Variants in TNKS2 observed in about 807,000 individuals in gnomAD.
TNKS2 encodes the protein poly [ADP-ribose] polymerase tankyrase-2.
TNKS2 carries 72 observed loss-of-function variants against 137.6 expected under a neutral mutation model. The observed-to-expected ratio is 0.52, with a 90% CI of 0.43 to 0.64. The LOEUF is 0.64. Ranked by LOEUF, TNKS2 falls within the 30% of genes least tolerant of loss-of-function variation. TNKS2 has a pLI of 0.00. For missense variants in TNKS2, 1,049 were observed against 1,410.2 expected, an observed-to-expected ratio of 0.74 and a Z score of 4.10; for synonymous variants, 516 against 512.1, an observed-to-expected ratio of 1.01 and a Z score of -0.10.
intron 1 of TNKS2, among the ~76,000 whole-genome samples, chr10:91,801,076 A>C (rs924165549): frequency 6.6e-6 from 1 of 152,164 alleles, no homozygotes; most frequent in Admixed American, 6.5e-5. Flanking sequence ...AGCTGATTAA[A>C]GTTTGGAGAT....
chr10:91,812,902 C>T (rs750364220), intron 1 of TNKS2, 81 bp from the exon 2 acceptor site: 2 of 1,519,562 alleles, frequency 1.3e-6, no homozygotes, highest in Non-Finnish European at 1.8e-6. Flanking sequence ...CAACCTGAAA[C>T]ATTTTAGTAT....
intron 20 of TNKS2, among the ~76,000 whole-genome samples, 174 bp downstream of exon 20, chr10:91,849,768 TTCGCACACAGTTGAC>T (rs1437566472): frequency 4.6e-5 from 7 of 152,232 alleles, no homozygotes; most frequent in Non-Finnish European, 1.0e-4. Flanking sequence ...ATTTAGTTTA[TTCGCACACAGTTGAC>T]TCGAGTAGTA....
intron 2 of TNKS2, among the ~76,000 whole-genome samples, chr10:91,815,745 C>T (rs978473615): frequency 2.0e-5 from 3 of 151,564 alleles, no homozygotes; most frequent in African/African-American, 7.3e-5. Context: ...TTATGTGGCT[C>T]ACATTTTATT....
At chr10:91,820,068 T>C (rs751983198) in intron 6 of TNKS2, 35 bp downstream of exon 6, 1 of 1,339,518 alleles carries the variant, frequency 7.5e-7, no homozygotes, top group South Asian at 1.4e-5. Context: ...ACTTTTTAAA[T>C]GTTACCCTCT....
intron 19 of TNKS2, 62 bp downstream of exon 19, chr10:91,848,697 G>A (rs1032008349): frequency 6.4e-7 from 1 of 1,570,532 alleles, no homozygotes; most frequent in Non-Finnish European, 8.6e-7. Flanking sequence ...TGTCATTTGG[G>A]ATGCTAAAAA....
chr10:91,825,001 A>G (rs566135856), intron 7 of TNKS2, among the ~76,000 whole-genome samples: 7 of 152,334 alleles, frequency 4.6e-5, no homozygotes, highest in African/African-American at 9.6e-5. Flanking sequence ...ATTGCAAGCA[A>G]TATAATCATG....
Position 91,798,553 on chromosome 10 carries a change from G to A in TNKS2, c.-138G>A. 1 of 1,041,140 alleles carries A rather than the reference G, an allele frequency of 9.6e-7. No individual in the cohort carries two copies. The highest frequency in any genetic ancestry group is 1.2e-6 in the Non-Finnish European group (1 of 825,950). The allele number at this position is 1,041,140 out of a possible 1,614,324, so 64.5% of individuals were successfully genotyped here. ...TGGGCGCGGCCATGGGACTGCGCCG[G>A]ATCCGGTGACAGCAGGGAGCCAAGC... On this transcript the variant is annotated 5_prime_UTR_variant, in exon 1 of 27. Coordinates refer to ENST00000371627, the MANE Select transcript of TNKS2 (RefSeq NM_025235.4).
At chr10:91,801,735 GTGC>G (rs1844179973) in intron 1 of TNKS2, among the ~76,000 whole-genome samples, 1 of 152,158 alleles carries the variant, frequency 6.6e-6, no homozygotes, top group Non-Finnish European at 1.5e-5. Context: ...GCCTCCCAAA[GTGC>G]TGGGATTACA....
chr10:91,807,083 A>C (rs766224689), intron 1 of TNKS2: 2 of 1,443,748 alleles, frequency 1.4e-6, no homozygotes, highest in Non-Finnish European at 9.6e-7. Flanking sequence ...TGAACAGTCC[A>C]CTTAGTTACA....
At chr10:91,811,933 G>A (rs1405835251) in intron 1 of TNKS2, among the ~76,000 whole-genome samples, 1 of 152,068 alleles carries the variant, frequency 6.6e-6, no homozygotes, top group Non-Finnish European at 1.5e-5. Flanking sequence ...GGTGGCGGGT[G>A]CCTGTAGTCC....
chr10:91,816,774 C>T (rs536681511), intron 2 of TNKS2, among the ~76,000 whole-genome samples: 12 of 150,466 alleles, frequency 8.0e-5, no homozygotes, highest in African/African-American at 2.9e-4. Flanking sequence ...GATGAACAGT[C>T]TTTCTAGCAT....
At chr10:91,813,771 C>T (rs950932264) in intron 2 of TNKS2, among the ~76,000 whole-genome samples, 72 of 152,210 alleles carry the variant, frequency 4.7e-4, no homozygotes, top group Middle Eastern at 3.4e-3. Context: ...AAATGGATGA[C>T]ATACATAAGG....
intron 12 of TNKS2, among the ~76,000 whole-genome samples, chr10:91,835,866 C>G (rs914435199): frequency 1.4e-5 from 2 of 139,966 alleles, no homozygotes; most frequent in African/African-American, 5.1e-5. Flanking sequence ...CCTCGGCCTC[C>G]CAAAGTGCTG....
intron 21 of TNKS2, among the ~76,000 whole-genome samples, 178 bp downstream of exon 21, chr10:91,851,514 C>T (rs1430264085): frequency 6.6e-6 from 1 of 152,174 alleles, no homozygotes; most frequent in Non-Finnish European, 1.5e-5. Flanking sequence ...ACTTACTGAG[C>T]TGCTGCTGTT....
chr10:91,803,961 G>A (rs936231712), intron 1 of TNKS2, among the ~76,000 whole-genome samples: 2 of 152,182 alleles, frequency 1.3e-5, no homozygotes, highest in Non-Finnish European at 2.9e-5. Flanking sequence ...AAGAGTCTAA[G>A]TTGGTTTCTC....
At chr10:91,819,419 G>A (rs1357473570) in intron 4 of TNKS2, 63 bp from the exon 5 acceptor site, 2 of 1,430,868 alleles carry the variant, frequency 1.4e-6, no homozygotes, top group Admixed American at 2.5e-5. Flanking sequence ...AATGGTTACA[G>A]TACTTATCTT....
At chr10:91,851,915 A>T (rs1842548408) in intron 21 of TNKS2, among the ~76,000 whole-genome samples, 1 of 152,228 alleles carries the variant, frequency 6.6e-6, no homozygotes, top group Non-Finnish European at 1.5e-5. Flanking sequence ...TTAACACTTT[A>T]TACCAGGTCT....
rs550762976 is a variant in TNKS2 at position 91,863,758 on chromosome 10, G to T, written c.*759G>T. On this transcript the variant is annotated 3_prime_UTR_variant, in exon 27 of 27. Transcript: ENST00000371627. ...ATGATAGGTCCTGATTACTAAAGAA[G>T]CTTCTTTACTGGCCTCAATTTCTAG... 5.9e-5 allele frequency: 9 copies of T among 152,228 alleles called. No homozygotes were observed. Among genetic ancestry groups the T allele is most frequent in the African/African-American group, 1.7e-4 (7 of 41,536 alleles). 9.4% of individuals were successfully genotyped at this position (152,228 alleles called of 1,614,324 possible).
At chr10:91,813,230 C>T (rs534927872) in intron 2 of TNKS2, 23 bp downstream of exon 2, 3 of 1,582,526 alleles carry the variant, frequency 1.9e-6, no homozygotes, top group East Asian at 2.2e-5. Flanking sequence ...ACTTTTCCGA[C>T]TTTTACTAAT....
Sources: allele counts gnomAD v4.1 joint callset (sites outside exome capture counted in the v4.1 genomes callset), GRCh38; gene constraint gnomAD v4.1.1; transcripts MANE v1.5; gene names NCBI Gene and HGNC (gene_info 2026-07-23, HGNC 2026-07-21).